TMEM131: variants seen among roughly 807,000 people sequenced by gnomAD.
TMEM131 encodes transmembrane protein 131.
Under a neutral mutation model 211.6 loss-of-function variants are expected in TMEM131, and 66 were observed. The observed-to-expected ratio is 0.31, with a 90% confidence interval of 0.26 to 0.38. The LOEUF (loss-of-function observed/expected upper bound fraction) is 0.38, where lower values mean the gene tolerates loss of function less well. Among genes scored for constraint, TMEM131 ranks in the 10% least tolerant of loss-of-function variants. TMEM131 has a pLI of 1.00. For missense variants in TMEM131, 2,036 were observed against 2,299.3 expected (o/e 0.89, Z 2.34); for synonymous variants, 844 against 841.3 (o/e 1.00, Z -0.06).
chr2:97,762,066 A>T lies in TMEM131; in HGVS notation c.4858T>A (p.Tyr1620Asn), dbSNP rs1678880789. The T allele has an allele frequency of 6.3e-7, 1 of 1,593,390 alleles. No homozygotes were observed. Among genetic ancestry groups the T allele is most frequent in the Non-Finnish European group, 8.5e-7 (1 of 1,173,026 alleles). The change falls in exon 36 of 41, where the codon TAC becomes AAC. Residue 1620 changes from tyrosine to asparagine, a missense_variant. Physicochemically the swap from Tyr to Asn is moderately radical, Grantham distance 143. Around this residue, in one of 3 missense-constraint regions of TMEM131, gnomAD observed 1,623 missense variants for 1,805.9 expected, o/e 0.90. Coordinates refer to ENST00000186436, the MANE Select transcript of TMEM131 (RefSeq NM_015348.2). ...APCPFVARGS[Y>N]SSIVNSSSSS... Reference sequence around the variant, plus strand: ...GAGCTGCTGTTGACGATGCTGCTGTAGCTGCCCCGGGCCACAAAGGGGCAG... The same window carrying T: ...GAGCTGCTGTTGACGATGCTGCTGTTGCTGCCCCGGGCCACAAAGGGGCAG...
chr2:97,783,927 A>G (rs1048962875), intron 31 of TMEM131, among the ~76,000 whole-genome samples: 1 of 152,042 alleles, frequency 6.6e-6, no homozygotes, highest in Non-Finnish European at 1.5e-5. Flanking sequence ...TCATGGAAAC[A>G]TTAATTAAAG....
At chr2:97,805,952 A>C (rs138385639) in intron 19 of TMEM131, among the ~76,000 whole-genome samples, 1 of 152,326 alleles carries the variant, frequency 6.6e-6, no homozygotes, top group Admixed American at 6.5e-5. Context: ...GTGACAACTG[A>C]TTGACGTTAA....
chr2:97,814,411 CA>C, intron 13 of TMEM131, 23 bp from the exon 14 acceptor site: 2 of 1,544,714 alleles, frequency 1.3e-6, no homozygotes. Flanking sequence ...ACAACAAGAA[CA>C]AAATAAATCA....
intron 2 of TMEM131, among the ~76,000 whole-genome samples, chr2:97,917,346 A>G (rs559090643): frequency 6.6e-6 from 1 of 152,346 alleles, no homozygotes; most frequent in South Asian, 2.1e-4. Flanking sequence ...TAATGCCACA[A>G]TATCTTATTT....
chr2:97,808,446 T>C (rs1377885800), intron 19 of TMEM131, among the ~76,000 whole-genome samples: 1 of 152,170 alleles, frequency 6.6e-6, no homozygotes, highest in Admixed American at 6.5e-5. Flanking sequence ...CTTCTCCTGG[T>C]TTTCTCATTT....
chr2:97,780,192 G>A (rs1679931796), intron 31 of TMEM131, among the ~76,000 whole-genome samples: 1 of 152,172 alleles, frequency 6.6e-6, no homozygotes, highest in Non-Finnish European at 1.5e-5. Flanking sequence ...TCTGTCCCCT[G>A]GGAATCTCTG....
At chr2:97,793,335 G>A (rs969022273) in intron 30 of TMEM131, 60 bp downstream of exon 30, 82 of 1,494,270 alleles carry the variant, frequency 5.5e-5, no homozygotes, top group Non-Finnish European at 6.8e-5. Flanking sequence ...ATTTTTTATT[G>A]TAATTTTATC....
chr2:97,803,203 T>G (rs571166644), intron 22 of TMEM131, among the ~76,000 whole-genome samples: 171 of 152,346 alleles, frequency 1.1e-3, no homozygotes, highest in African/African-American at 4.0e-3. Flanking sequence ...GGATCTTATG[T>G]GCCTAGAGGA....
intron 1 of TMEM131, among the ~76,000 whole-genome samples, chr2:97,939,379 A>C (rs1230910574): frequency 6.6e-6 from 1 of 152,242 alleles, no homozygotes; most frequent in Non-Finnish European, 1.5e-5. Flanking sequence ...AACTACCATC[A>C]GAGAATACTA....
intron 1 of TMEM131, among the ~76,000 whole-genome samples, chr2:97,943,102 A>AAAGG: frequency 6.7e-6 from 1 of 149,276 alleles, no homozygotes; most frequent in South Asian, 2.1e-4. Flanking sequence ...AGAAAGAAAG[A>AAAGG]GCTGGGTGTG....
chr2:97,769,253 C>T (rs1573330076), intron 33 of TMEM131, among the ~76,000 whole-genome samples: 2 of 152,178 alleles, frequency 1.3e-5, no homozygotes, highest in Non-Finnish European at 2.9e-5. Context: ...TCCCAAAGTG[C>T]TGGGATTATA....
chr2:97,972,369 C>A (rs998531819), intron 1 of TMEM131, among the ~76,000 whole-genome samples: 1 of 151,156 alleles, frequency 6.6e-6, no homozygotes, highest in Non-Finnish European at 1.5e-5. Context: ...ACTACTCCCA[C>A]CTGGGTGACA....
At chr2:97,967,795 T>C (rs1184635175) in intron 1 of TMEM131, among the ~76,000 whole-genome samples, 1 of 152,092 alleles carries the variant, frequency 6.6e-6, no homozygotes, top group Non-Finnish European at 1.5e-5. Flanking sequence ...GTCACAGAGC[T>C]AGTAAGCACT....
chr2:97,814,758 A>G (rs1681738337), intron 13 of TMEM131, among the ~76,000 whole-genome samples: 1 of 152,220 alleles, frequency 6.6e-6, no homozygotes, highest in South Asian at 2.1e-4. Flanking sequence ...AAAGTACAAT[A>G]GAAAATGAAC....
At chr2:97,817,687 G>A (rs948274666) in intron 12 of TMEM131, among the ~76,000 whole-genome samples, 5 of 152,128 alleles carry the variant, frequency 3.3e-5, no homozygotes, top group African/African-American at 7.2e-5. Context: ...CCCCACCTCC[G>A]TAGCTGCTCC....
intron 31 of TMEM131, 140 bp downstream of exon 31, chr2:97,792,246 G>C: frequency 1.6e-6 from 1 of 635,604 alleles, no homozygotes; most frequent in Non-Finnish European, 2.5e-6. Context: ...AAAAGTTGAA[G>C]TCCAACACTG....
chr2:97,916,240 T>C (rs755366285), intron 2 of TMEM131, among the ~76,000 whole-genome samples: 2 of 152,236 alleles, frequency 1.3e-5, no homozygotes, highest in Non-Finnish European at 2.9e-5. Flanking sequence ...GAACCCGCTA[T>C]TTATTCTTCT....
At chr2:97,902,860 A>G (rs1362049813) in intron 3 of TMEM131, among the ~76,000 whole-genome samples, 1 of 152,192 alleles carries the variant, frequency 6.6e-6, no homozygotes, top group Non-Finnish European at 1.5e-5. Flanking sequence ...CCAAGCCTAC[A>G]TCTTTCTCCT....
chr2:97,913,495 G>T (rs1204576818), intron 2 of TMEM131, among the ~76,000 whole-genome samples: 2 of 152,142 alleles, frequency 1.3e-5, no homozygotes, highest in Admixed American at 6.5e-5. Flanking sequence ...GTAAGAGTTA[G>T]AATTCAAATC....
Sources: gnomAD v4.1 joint callset for allele counts (sites outside exome capture counted in the v4.1 genomes callset) on GRCh38, gnomAD v4.1.1 for gene constraint, gnomAD v4.1.1 regional missense constraint, MANE v1.5 for transcripts, NCBI Gene and HGNC (gene_info 2026-07-23, HGNC 2026-07-21) for gene names.